CALN1: variants seen among roughly 807,000 people sequenced by gnomAD.
CALN1 encodes the protein calcium-binding protein 8.
Under a neutral mutation model 30.6 loss-of-function variants are expected in CALN1, and 17 were observed. That is an observed-to-expected ratio of 0.56 (90% CI 0.38 to 0.83). The LOEUF (loss-of-function observed/expected upper bound fraction) is 0.83, where lower values mean the gene tolerates loss of function less well. Among genes scored for constraint, CALN1 ranks in the 40% least tolerant of loss-of-function variants. The pLI is 0.00. For missense variants in CALN1, 291 were observed against 354.9 expected, an observed-to-expected ratio of 0.82 and a Z score of 1.45; for synonymous variants, 156 against 131.4, an observed-to-expected ratio of 1.19 and a Z score of -1.28.
intron 2 of CALN1, among the ~76,000 whole-genome samples, chr7:72,308,362 T>TGGG (rs1231496884): frequency 4.2e-4 from 19 of 44,802 alleles, no homozygotes; most frequent in African/African-American, 3.0e-3. Flanking sequence ...AGATGCTGTC[T>TGGG]GTGGGGGGGG....
chr7:72,499,655 G>T, the CALN1 span, among the ~76,000 whole-genome samples: 1 of 152,024 alleles, frequency 6.6e-6, no homozygotes, highest in African/African-American at 2.4e-5. Context: ...AAAAAGGAAT[G>T]AGTAGTATTG....
At chr7:72,341,079 G>A (rs1364070038) in intron 2 of CALN1, among the ~76,000 whole-genome samples, 1 of 152,112 alleles carries the variant, frequency 6.6e-6, no homozygotes, top group Non-Finnish European at 1.5e-5. Context: ...TTCCACAATG[G>A]GTCGCAGGCA....
intron 5 of CALN1, among the ~76,000 whole-genome samples, chr7:71,847,805 A>AGG (rs1194846379): frequency 3.1e-4 from 38 of 124,516 alleles, no homozygotes; most frequent in East Asian, 2.1e-3. Context: ...AAAAGAAGAA[A>AGG]AGAAGGAGAA....
intron 6 of CALN1, among the ~76,000 whole-genome samples, chr7:71,802,581 G>T (rs1787370854): frequency 6.6e-6 from 1 of 152,160 alleles, no homozygotes; most frequent in South Asian, 2.1e-4. Flanking sequence ...CTCCACCTCA[G>T]CCTCCCGAAT....
intron 5 of CALN1, among the ~76,000 whole-genome samples, chr7:71,892,175 T>A (rs1289688426): frequency 6.6e-6 from 1 of 152,216 alleles, no homozygotes; most frequent in African/African-American, 2.4e-5. Flanking sequence ...ATTTGCTGAT[T>A]TGATAGTCTG....
chr7:72,061,404 T>G (rs1008509505), intron 4 of CALN1, among the ~76,000 whole-genome samples: 1 of 152,144 alleles, frequency 6.6e-6, no homozygotes, highest in East Asian at 1.9e-4. Context: ...GGTTTTTATC[T>G]TTTTCTATCT....
intron 3 of CALN1, among the ~76,000 whole-genome samples, chr7:72,197,178 C>CT (rs386410439): frequency 0.15 from 9,646 of 63,458 alleles, 2,033 homozygotes; most frequent in East Asian, 0.26. Context: ...GGAAGGTTTG[C>CT]TTTTTTTTTT....
intron 5 of CALN1, among the ~76,000 whole-genome samples, chr7:71,898,017 G>A (rs1298291708): frequency 2.6e-5 from 2 of 77,294 alleles, no homozygotes; most frequent in Admixed American, 2.3e-4. Context: ...GGGAGGGGGG[G>A]GGAGAGAGAG....
intron 2 of CALN1, among the ~76,000 whole-genome samples, chr7:72,288,536 A>T (rs1798256295): frequency 6.6e-6 from 1 of 152,238 alleles, no homozygotes; most frequent in South Asian, 2.1e-4. Context: ...GATAATTTTT[A>T]GATGTATTTT....
At chr7:72,265,856 G>A (rs948290809) in intron 3 of CALN1, among the ~76,000 whole-genome samples, 4 of 151,978 alleles carry the variant, frequency 2.6e-5, no homozygotes, top group Non-Finnish European at 4.4e-5. Flanking sequence ...TACAAAGGCT[G>A]GGCGCAGTGG....
At chr7:72,485,494 T>C in the CALN1 span, among the ~76,000 whole-genome samples, 385 of 152,330 alleles carry the variant, frequency 2.5e-3, 2 homozygotes, top group African/African-American at 8.7e-3. Context: ...AAGTAAGGAA[T>C]TGGATGAAGA....
chr7:72,289,747 T>C (rs1486604171), intron 2 of CALN1, among the ~76,000 whole-genome samples: 1 of 152,100 alleles, frequency 6.6e-6, no homozygotes, highest in Non-Finnish European at 1.5e-5. Flanking sequence ...AAATATTTAT[T>C]ACCTTGATTT....
intron 2 of CALN1, among the ~76,000 whole-genome samples, chr7:72,323,432 G>A (rs557646050): frequency 6.6e-6 from 1 of 152,186 alleles, no homozygotes; most frequent in South Asian, 2.1e-4. Context: ...CCTGCTCCAC[G>A]GGCGATTGCC....
chr7:72,061,586 T>C (rs1475731128), intron 4 of CALN1, among the ~76,000 whole-genome samples: 1 of 151,328 alleles, frequency 6.6e-6, no homozygotes, highest in Non-Finnish European at 1.5e-5. Context: ...ATGGAGGTGA[T>C]AGAAGAGCTA....
chr7:72,177,966 G>A (rs1011007323), intron 3 of CALN1, among the ~76,000 whole-genome samples: 2 of 152,092 alleles, frequency 1.3e-5, no homozygotes, highest in Admixed American at 1.3e-4. Context: ...ACCTTGCCAA[G>A]TGCTCTTGCT....
intron 2 of CALN1, among the ~76,000 whole-genome samples, chr7:72,374,918 A>C (rs1248028369): frequency 6.6e-6 from 1 of 152,230 alleles, no homozygotes; most frequent in Non-Finnish European, 1.5e-5. Context: ...AAACACTGTG[A>C]TTTTTATACA....
chr7:72,053,090 C>A (rs1318020331), intron 4 of CALN1, among the ~76,000 whole-genome samples: 2 of 152,144 alleles, frequency 1.3e-5, no homozygotes, highest in Admixed American at 6.5e-5. Context: ...ATTGGCCAGA[C>A]GTGGTGACGG....
At chr7:71,820,908 C>T (rs746767072) in intron 5 of CALN1, among the ~76,000 whole-genome samples, 3 of 152,152 alleles carry the variant, frequency 2.0e-5, no homozygotes, top group South Asian at 4.2e-4. Context: ...GCTGTGTAAA[C>T]GAGAGGTTGA....
rs574219607 is a variant in CALN1, at chr7:71,867,293, A to G, written c.502-56801T>C. 1.9e-4 allele frequency among the ~76,000 whole-genome samples: 29 copies of G among 152,332 alleles called. 1 individual carries two copies. Among genetic ancestry groups the G allele is most frequent in the Admixed American group, 3.9e-4 (6 of 15,298 alleles). On this transcript the variant is annotated intron_variant, in intron 5 of 6. Transcript: ENST00000395275. ...TGAGGGAAAAAAGAGGCCAGTCACA[A>G]TAACATGTAAACTATAAAATACATC...
Sources: allele counts gnomAD v4.1 joint callset (sites outside exome capture counted in the v4.1 genomes callset), GRCh38; gene constraint gnomAD v4.1.1; transcripts MANE v1.5; gene names NCBI Gene and HGNC (gene_info 2026-07-23, HGNC 2026-07-21).